Variants in LCOR observed in about 807,000 individuals in gnomAD.
LCOR encodes ligand dependent nuclear receptor corepressor, also known as ligand-dependent corepressor.
Under a neutral mutation model 64.4 loss-of-function variants are expected in LCOR, and 14 were observed. That is an observed-to-expected ratio of 0.22 (90% CI 0.14 to 0.34). The LOEUF is 0.34. Among genes scored for constraint, LCOR ranks in the 10% least tolerant of loss-of-function variants. LCOR has a pLI of 1.00. For synonymous variants in LCOR, 643 were observed against 642.5 expected, an observed-to-expected ratio of 1.00 and a Z score of -0.01; for missense variants, 1,686 against 1,765.3, an observed-to-expected ratio of 0.96 and a Z score of 0.80.
chr10:96,893,837 C>G (rs1001917504), intron 2 of LCOR, among the ~76,000 whole-genome samples: 2 of 151,900 alleles, frequency 1.3e-5, no homozygotes, highest in Admixed American at 1.3e-4. Context: ...ACCCAGGTGA[C>G]CTGGCTTCGT....
intron 4 of LCOR, among the ~76,000 whole-genome samples, chr10:96,911,660 A>G (rs1296145827): frequency 6.6e-6 from 1 of 152,178 alleles, no homozygotes; most frequent in East Asian, 1.9e-4. Flanking sequence ...GAAAGAGGGA[A>G]AGTGTATTTG....
Position 96,991,360 on chromosome 10 carries a change from T to TTG in LCOR, c.*6227_*6228insGT, listed in dbSNP as rs1435783956. ...GTTGTGGGCCATGTGATCATATCTA[T>TTG]TAGGGTATGTAGTGAAAACTAAAAG... is the stretch of plus-strand genomic sequence containing the variant. On this transcript the variant is annotated 3_prime_UTR_variant, in exon 8 of 8. Coordinates refer to ENST00000421806, the MANE Select transcript of LCOR (RefSeq NM_001346516.2). 1.3e-5 allele frequency: 2 copies of TTG among 152,194 alleles called. No individual in the cohort carries two copies. Among genetic ancestry groups the TTG allele is most frequent in the East Asian group, 3.8e-4 (2 of 5,206 alleles). 9.4% of individuals were successfully genotyped at this position (152,194 alleles called of 1,614,324 possible).
intron 2 of LCOR, among the ~76,000 whole-genome samples, chr10:96,871,641 T>G (rs1489172856): frequency 1.3e-5 from 2 of 151,820 alleles, no homozygotes; most frequent in Non-Finnish European, 2.9e-5. Flanking sequence ...CTCAGGCTAG[T>G]CTTGAACTCT....
Position 96,985,225 on chromosome 10 carries a change from C to G in LCOR, c.*91C>G, listed in dbSNP as rs574145155. ...AATCTGCTTTTATAAGCTTATCAAG[C>G]CTTTCAAATTTACAGTTAATGGAGA... On this transcript the variant is annotated 3_prime_UTR_variant, in exon 8 of 8. Transcript: ENST00000421806. The G allele has an allele frequency of 2.8e-6, 4 of 1,420,318 alleles. No individual in the cohort carries two copies. The highest frequency in any genetic ancestry group is 2.9e-5 in the African/African-American group (2 of 69,800). The allele number at this position is 1,420,318 out of a possible 1,614,324, so 88.0% of individuals were successfully genotyped here.
chr10:96,870,160 C>T (rs948050108), intron 2 of LCOR, among the ~76,000 whole-genome samples: 2 of 151,148 alleles, frequency 1.3e-5, no homozygotes, highest in African/African-American at 4.9e-5. Context: ...GTAGCTGGGA[C>T]TACAGGCGCC....
At chr10:96,853,124 G>A (rs948359316) in intron 2 of LCOR, among the ~76,000 whole-genome samples, 2 of 151,998 alleles carry the variant, frequency 1.3e-5, no homozygotes, top group Non-Finnish European at 2.9e-5. Flanking sequence ...TTGGCTCACC[G>A]CACTGCAGCC....
rs769041093 is a variant in LCOR at position 96,984,648 on chromosome 10, G to A, written c.4188G>A (p.Gln1396=). Residue 1396 remains glutamine, a synonymous_variant, in exon 8 of 8, where the codon CAG becomes CAA. Coordinates refer to ENST00000421806, the MANE Select transcript of LCOR (RefSeq NM_001346516.2). ...VSEILPKAEV[Q]SKRKRTEGSS... ...AAATCTTGCCTAAAGCAGAAGTTCA[G>A]AGTAAACGCAAGAGAACAGAAGGCA... 2.0e-5 allele frequency: 33 copies of A among 1,614,072 alleles called. No homozygotes were observed. The highest frequency in any genetic ancestry group is 1.6e-4 in the Middle Eastern group (1 of 6,084).
chr10:96,894,215 C>T (rs1020147805), intron 2 of LCOR, among the ~76,000 whole-genome samples: 3 of 152,172 alleles, frequency 2.0e-5, no homozygotes, highest in Admixed American at 6.5e-5. Context: ...TGTCAGCCTC[C>T]CGAGCAGCTG....
intron 7 of LCOR, among the ~76,000 whole-genome samples, chr10:96,977,846 G>A (rs1848051126): frequency 6.6e-6 from 1 of 152,054 alleles, no homozygotes; most frequent in Non-Finnish European, 1.5e-5. Flanking sequence ...CTAGCCCAGT[G>A]ATTTTTTACT....
chr10:96,833,234 G>A (rs1309669611), intron 1 of LCOR, 172 bp from the exon 2 acceptor site: 3 of 974,756 alleles, frequency 3.1e-6, no homozygotes, highest in Non-Finnish European at 3.7e-6. Context: ...GGCCGGAGCC[G>A]CAGCCTCGCC....
intron 2 of LCOR, among the ~76,000 whole-genome samples, chr10:96,839,919 G>A (rs1271419940): frequency 1.3e-5 from 2 of 152,116 alleles, no homozygotes; most frequent in Non-Finnish European, 2.9e-5. Context: ...AACTCCTGAC[G>A]TTCCGCCTCT....
At chr10:96,843,572 G>A (rs1845578031) in intron 2 of LCOR, among the ~76,000 whole-genome samples, 1 of 152,090 alleles carries the variant, frequency 6.6e-6, no homozygotes, top group Non-Finnish European at 1.5e-5. Flanking sequence ...TTCTTGTCCA[G>A]CCATATCATT....
intron 7 of LCOR, among the ~76,000 whole-genome samples, chr10:96,977,198 G>T (rs1437466581): frequency 1.3e-5 from 2 of 152,194 alleles, no homozygotes; most frequent in African/African-American, 4.8e-5. Context: ...CTTTCATTCA[G>T]AGCCTATTTA....
At chr10:96,980,313 C>T (rs1348171805) in intron 7 of LCOR, among the ~76,000 whole-genome samples, 3 of 152,024 alleles carry the variant, frequency 2.0e-5, no homozygotes, top group East Asian at 1.9e-4. Flanking sequence ...TGTTGACCAA[C>T]CAGAGTTAAT....
At chr10:96,848,134 A>G (rs1417992778) in intron 2 of LCOR, among the ~76,000 whole-genome samples, 1 of 152,226 alleles carries the variant, frequency 6.6e-6, no homozygotes, top group Non-Finnish European at 1.5e-5. Flanking sequence ...TTAAGAAATG[A>G]TCCAGATCAA....
intron 2 of LCOR, among the ~76,000 whole-genome samples, chr10:96,893,023 T>A (rs953110682): frequency 1.3e-5 from 2 of 152,242 alleles, no homozygotes; most frequent in Non-Finnish European, 2.9e-5. Context: ...CTGATTTTTG[T>A]GTTACATATT....
chr10:96,949,888 C>T (rs1054381638), intron 6 of LCOR, among the ~76,000 whole-genome samples: 1 of 152,088 alleles, frequency 6.6e-6, no homozygotes, highest in Non-Finnish European at 1.5e-5. Flanking sequence ...AAAGTATTTC[C>T]AAAAGGGAAT....
chr10:96,937,014 A>G (rs150078549), intron 4 of LCOR, among the ~76,000 whole-genome samples: 111 of 152,336 alleles, frequency 7.3e-4, no homozygotes, highest in African/African-American at 2.5e-3. Context: ...GTAACTGTGG[A>G]AAGCAAAACT....
chr10:96,875,327 T>A (rs1027262484), intron 2 of LCOR, among the ~76,000 whole-genome samples: 1 of 151,776 alleles, frequency 6.6e-6, no homozygotes, highest in African/African-American at 2.4e-5. Context: ...GAGCTTGCAG[T>A]GGGCCACTGT....
Sources: allele counts gnomAD v4.1 joint callset (sites outside exome capture counted in the v4.1 genomes callset), GRCh38; gene constraint gnomAD v4.1.1; transcripts MANE v1.5; gene names NCBI Gene and HGNC (gene_info 2026-07-23, HGNC 2026-07-21).